Variants in WLS observed in about 807,000 individuals in gnomAD.
WLS encodes protein wntless homolog.
Under a neutral mutation model 62.8 loss-of-function variants are expected in WLS, and 23 were observed. The ratio of observed to expected loss-of-function variants is 0.37; its 90% CI spans 0.26 to 0.52. The LOEUF is 0.52. Ranked by LOEUF, WLS falls within the 20% of genes least tolerant of loss-of-function variation. WLS has a pLI of 0.92. For synonymous variants in WLS, 246 were observed against 244.1 expected (o/e 1.01, Z -0.07); for missense variants, 615 against 697.3 (o/e 0.88, Z 1.33).
At chr1:68,109,046 G>A (rs945199709) in intron 11 of WLS, among the ~76,000 whole-genome samples, 15 of 152,192 alleles carry the variant, frequency 9.9e-5, no homozygotes, top group African/African-American at 3.6e-4. Flanking sequence ...TCCTGGGCTT[G>A]CAAGAAGTTA....
chr1:68,133,388 G>T (rs1206690490), intron 11 of WLS, among the ~76,000 whole-genome samples: 1 of 152,172 alleles, frequency 6.6e-6, no homozygotes, highest in Non-Finnish European at 1.5e-5. Flanking sequence ...CTCCAGTGTG[G>T]AGTTGTCCTG....
At position 68,231,949 on chromosome 1, in the gene WLS, C is replaced by G. The variant is rs376160842; in HGVS notation, c.106+245G>C. The G allele has an allele frequency of 1.1e-4, 64 of 591,146 alleles. No homozygotes were observed. In the East Asian group the frequency reaches 1.8e-3, roughly 16 times the overall value. 36.6% of individuals were successfully genotyped at this position (591,146 alleles called of 1,614,324 possible). ...CTTAAGATTCCCACCCCCGCCGCCCCCCTCTTGCCTTTCAAGTGGATACTG... is the reference window on the plus strand; with the variant it reads ...CTTAAGATTCCCACCCCCGCCGCCCGCCTCTTGCCTTTCAAGTGGATACTG... On this transcript the variant is annotated intron_variant, in intron 1 of 11. Coordinates refer to ENST00000262348, the MANE Select transcript of WLS (RefSeq NM_024911.7).
At chr1:68,197,774 G>A (rs1648756441) in intron 1 of WLS, among the ~76,000 whole-genome samples, 1 of 152,144 alleles carries the variant, frequency 6.6e-6, no homozygotes, top group African/African-American at 2.4e-5. Context: ...AGCTACATGG[G>A]TCACAAATTG....
intron 1 of WLS, among the ~76,000 whole-genome samples, chr1:68,210,783 G>A (rs193301914): frequency 1.7e-4 from 26 of 152,270 alleles, no homozygotes; most frequent in Non-Finnish European, 3.2e-4. Flanking sequence ...ATCTCACCTG[G>A]GAAGAAAATG....
chr1:68,204,878 A>G (rs1356983592), intron 1 of WLS, among the ~76,000 whole-genome samples: 2 of 152,202 alleles, frequency 1.3e-5, no homozygotes, highest in African/African-American at 4.8e-5. Context: ...TCTGAACCCT[A>G]CAAAATTATA....
intron 8 of WLS, among the ~76,000 whole-genome samples, chr1:68,147,301 G>A (rs993266678): frequency 6.6e-6 from 1 of 152,122 alleles, no homozygotes; most frequent in Non-Finnish European, 1.5e-5. Context: ...TTTGGTGGGG[G>A]CATAACAGAG....
chr1:68,113,233 G>A (rs991954563), intron 11 of WLS, among the ~76,000 whole-genome samples: 3 of 152,214 alleles, frequency 2.0e-5, no homozygotes, highest in Non-Finnish European at 4.4e-5. Context: ...TTATAGATAG[G>A]TTGTTGAGTC....
At chr1:68,230,590 T>C (rs1367453) in intron 1 of WLS, among the ~76,000 whole-genome samples, 3,189 of 86,022 alleles carry the variant, frequency 0.037, 71 homozygotes, top group African/African-American at 0.081. Context: ...TGTGCGCGCG[T>C]GTGTGTGTGT....
At chr1:68,161,596 A>G (rs1646974382) in intron 2 of WLS, among the ~76,000 whole-genome samples, 1 of 152,230 alleles carries the variant, frequency 6.6e-6, no homozygotes, top group African/African-American at 2.4e-5. Context: ...CGACATCTTC[A>G]GTTTTCTAGC....
At chr1:68,106,297 T>A (rs1010331665) in intron 11 of WLS, among the ~76,000 whole-genome samples, 1 of 152,108 alleles carries the variant, frequency 6.6e-6, no homozygotes, top group African/African-American at 2.4e-5. Context: ...TGAGTGCTCT[T>A]GAGGAGATGC....
At chr1:68,134,087 A>G (rs1297670921) in intron 11 of WLS, among the ~76,000 whole-genome samples, 1 of 152,218 alleles carries the variant, frequency 6.6e-6, no homozygotes, top group East Asian at 1.9e-4. Flanking sequence ...CTGGAGGTGG[A>G]GAGAGAATGC....
intron 2 of WLS, among the ~76,000 whole-genome samples, chr1:68,190,685 C>T (rs1648241040): frequency 1.3e-5 from 2 of 152,156 alleles, no homozygotes; most frequent in South Asian, 4.1e-4. Context: ...AGGCCAACAG[C>T]TTAATTGCAA....
rs118180965 is a variant in WLS, at chr1:68,199,241, C to T, written c.107-5014G>A. On this transcript the variant is annotated intron_variant, in intron 1 of 11. Transcript: ENST00000262348. ...AGGAGCATTACTATTATGCAGGTAC[C>T]GTACTAACTAAAGACAGAGACGAAT... 1.1e-3 allele frequency among the ~76,000 whole-genome samples: 171 copies of T among 152,216 alleles called. 2 individuals are homozygous for T. The East Asian group carries it at 0.018, about 16-fold the overall frequency.
chr1:68,171,471 A>T (rs1223478435), intron 2 of WLS, among the ~76,000 whole-genome samples: 1 of 152,220 alleles, frequency 6.6e-6, no homozygotes, highest in East Asian at 1.9e-4. Context: ...TACAAGAAAA[A>T]AAAACAAAAA....
intron 2 of WLS, among the ~76,000 whole-genome samples, chr1:68,170,145 T>C (rs1647124990): frequency 6.7e-6 from 1 of 149,676 alleles, no homozygotes; most frequent in Non-Finnish European, 1.5e-5. Context: ...ACTCAGTCAA[T>C]GCTGGCTACT....
At chr1:68,144,792 T>A in intron 9 of WLS, 140 bp from the exon 10 acceptor site, 1 of 658,960 alleles carries the variant, frequency 1.5e-6, no homozygotes, top group Non-Finnish European at 2.5e-6. Flanking sequence ...TTTCCCATAG[T>A]AATATTTCTT....
At chr1:68,207,478 C>T (rs1231110290) in intron 1 of WLS, among the ~76,000 whole-genome samples, 3 of 152,140 alleles carry the variant, frequency 2.0e-5, no homozygotes, top group African/African-American at 7.2e-5. Flanking sequence ...TTCAGATTTT[C>T]ATTTAAACGG....
At chr1:68,148,780 A>T in intron 6 of WLS, 120 bp from the exon 7 acceptor site, 3 of 824,254 alleles carry the variant, frequency 3.6e-6, no homozygotes, top group African/African-American at 1.7e-5. Flanking sequence ...GCACTATGCT[A>T]GATTCTAGGT....
chr1:68,155,333 G>T (rs1292494020), intron 3 of WLS, 73 bp from the exon 4 acceptor site: 1 of 1,512,474 alleles, frequency 6.6e-7, no homozygotes. Context: ...TGTTACCCTG[G>T]ATCCATAACA....
Sources: gnomAD v4.1 joint callset for allele counts (sites outside exome capture counted in the v4.1 genomes callset) on GRCh38, gnomAD v4.1.1 for gene constraint, MANE v1.5 for transcripts, NCBI Gene and HGNC (gene_info 2026-07-23, HGNC 2026-07-21) for gene names.